Variants in INTU observed in about 807,000 individuals in gnomAD.
INTU encodes the protein protein inturned.
Under a neutral mutation model 100.5 loss-of-function variants are expected in INTU, and 68 were observed. That is an observed-to-expected ratio of 0.68 (90% confidence interval 0.56 to 0.83). The LOEUF (loss-of-function observed/expected upper bound fraction) is 0.83. Ranked by LOEUF, INTU falls within the 40% of genes least tolerant of loss-of-function variation. The pLI, the probability that INTU is intolerant of heterozygous loss-of-function variation, is 0.00. For missense variants in INTU, 1,071 were observed against 1,114.7 expected (o/e 0.96, Z 0.56); for synonymous variants, 357 against 395.7 (o/e 0.90, Z 1.16).
At chr4:127,681,793 A>G (rs1729568433) in intron 6 of INTU, among the ~76,000 whole-genome samples, 1 of 152,204 alleles carries the variant, frequency 6.6e-6, no homozygotes. Flanking sequence ...CAGCAAAAGA[A>G]ACTACCATCA....
intron 2 of INTU, among the ~76,000 whole-genome samples, chr4:127,652,202 A>G (rs1306153093): frequency 1.8e-4 from 22 of 125,330 alleles, no homozygotes; most frequent in Non-Finnish European, 3.4e-4. Context: ...CTAATTGAAT[A>G]CCCTTTATTT....
At chr4:127,714,163 A>G in intron 15 of INTU, 70 bp downstream of exon 15, 6 of 1,283,688 alleles carry the variant, frequency 4.7e-6, no homozygotes, top group Non-Finnish European at 6.5e-6. Context: ...AAAGGAGATT[A>G]ACATTTTAAA....
At chr4:127,694,204 C>A (rs533232739) in intron 8 of INTU, among the ~76,000 whole-genome samples, 1 of 151,580 alleles carries the variant, frequency 6.6e-6, no homozygotes, top group African/African-American at 2.4e-5. Flanking sequence ...TGGTCCTGGA[C>A]TTTTTTTGTT....
At chr4:127,716,094 GATAAA>G (rs1413853372) in intron 15 of INTU, among the ~76,000 whole-genome samples, 1 of 152,014 alleles carries the variant, frequency 6.6e-6, no homozygotes, top group East Asian at 1.9e-4. Flanking sequence ...AATACATATT[GATAAA>G]ATAGGATTAT....
chr4:127,678,419 A>G (rs187222372), intron 6 of INTU, among the ~76,000 whole-genome samples: 3 of 152,228 alleles, frequency 2.0e-5, no homozygotes, highest in African/African-American at 4.8e-5. Context: ...GAAACCCTAC[A>G]AGCCAGAAGA....
rs1731280306 is a variant in INTU at position 127,717,134 on chromosome 4, A to G, written c.*698A>G. The G allele has an allele frequency of 6.6e-6, 1 of 151,858 alleles. No individual in the cohort carries two copies. The highest frequency in any genetic ancestry group is 6.6e-5 in the Admixed American group (1 of 15,206). 9.4% of individuals were successfully genotyped at this position (151,858 alleles called of 1,614,324 possible). On this transcript the variant is annotated 3_prime_UTR_variant, in exon 16 of 16. Coordinates refer to ENST00000335251, the MANE Select transcript of INTU (RefSeq NM_015693.4). ...CTAGCATGCATTAGCTATTTTTCCT[A>G]ATACTCTCCCTACCCCCACAACAGG... is the stretch of plus-strand genomic sequence containing the variant.
rs1578645288 is a variant in INTU at position 127,717,491 on chromosome 4, T to G, written c.*1055T>G. 1 of 152,350 alleles carries G rather than the reference T, an allele frequency of 6.6e-6. No individual in the cohort carries two copies. The highest frequency in any genetic ancestry group is 2.1e-4 in the South Asian group (1 of 4,824). 9.4% of individuals were successfully genotyped at this position (152,350 alleles called of 1,614,324 possible). On this transcript the variant is annotated 3_prime_UTR_variant, in exon 16 of 16. Coordinates refer to ENST00000335251, the MANE Select transcript of INTU (RefSeq NM_015693.4). ...TGTAATTGAATGATTTATATTACTT[T>G]GAGTATAAACCCAGTAATGGGATTG...
chr4:127,687,938 T>C (rs1302230353), intron 8 of INTU, 71 bp downstream of exon 8: 13 of 1,063,780 alleles, frequency 1.2e-5, no homozygotes, highest in East Asian at 2.8e-5. Flanking sequence ...TCTCTTTTTT[T>C]CGTAGACTTT....
At chr4:127,676,479 G>A (rs1729188893) in intron 6 of INTU, among the ~76,000 whole-genome samples, 1 of 151,984 alleles carries the variant, frequency 6.6e-6, no homozygotes, top group South Asian at 2.1e-4. Context: ...CCAGCTACTT[G>A]GGAGGCTGAG....
At chr4:127,655,551 G>C (rs1401456786) in intron 2 of INTU, among the ~76,000 whole-genome samples, 24 of 151,482 alleles carry the variant, frequency 1.6e-4, no homozygotes, top group Non-Finnish European at 3.4e-4. Flanking sequence ...CAGGGGTCAG[G>C]GACCCACTTG....
At chr4:127,687,017 G>T (rs1729857824) in intron 7 of INTU, 1 of 152,114 alleles carries the variant, frequency 6.6e-6, no homozygotes, top group South Asian at 2.1e-4. Context: ...CTGTCATTTT[G>T]TTTTTTGAGT....
chr4:127,665,943 T>C (rs1728677825), intron 4 of INTU, among the ~76,000 whole-genome samples: 2 of 152,138 alleles, frequency 1.3e-5, no homozygotes, highest in Non-Finnish European at 2.9e-5. Flanking sequence ...CCTAAGTAGA[T>C]AGTTATTTTC....
Position 127,684,425 on chromosome 4 carries a change from C to A in INTU, c.1198C>A (p.Leu400Ile). 6.2e-7 allele frequency: 1 copy of A among 1,600,002 alleles called. No homozygotes were observed. The highest frequency in any genetic ancestry group is 8.5e-7 in the Non-Finnish European group (1 of 1,172,134). The change falls in exon 7 of 16, where the codon CTA becomes ATA. Residue 400 changes from leucine to isoleucine, a missense_variant. By Grantham distance (5) the Leu-to-Ile change is conservative. Transcript: ENST00000335251. ...LPAEEVPLPR[L>I]RNMIENVIQT... ...CTTTTTTAGAGTTCCTCTTCCTCGT[C>A]TAAGGAACATGATAGAAAATGTCAT...
Position 127,687,831 on chromosome 4 carries a change from T to A in INTU, c.1413T>A (p.Pro471=). The change falls in exon 8 of 16, where the codon CCT becomes CCA. Residue 471 remains proline (P), a synonymous_variant. Coordinates refer to ENST00000335251, the MANE Select transcript of INTU (RefSeq NM_015693.4). ...ASSAVLLDNL[P]GVRWLTLPLE... ...GTGCAGTACTTTTAGACAACCTCCC[T>A]GGAGTCCGGTGGCTCACACTTCCAC... 1 of 1,596,036 alleles carries A rather than the reference T, an allele frequency of 6.3e-7. No homozygotes were observed. Among genetic ancestry groups the A allele is most frequent in the Non-Finnish European group, 8.6e-7 (1 of 1,168,588 alleles).
rs1329604722 is a variant in INTU at position 127,706,809 on chromosome 4, C to T, written c.2111C>T (p.Thr704Ile). Residue 704 changes from threonine to isoleucine, a missense_variant, in exon 12 of 16, where the codon ACA (threonine) becomes ATA (isoleucine). Coordinates refer to ENST00000335251, the MANE Select transcript of INTU (RefSeq NM_015693.4). ...CTTTTTGGTGACTATTCCTTAAAGACACGCAAGCCTAGTCCTTCCTGTAGT... is the reference window on the plus strand; with the variant it reads ...CTTTTTGGTGACTATTCCTTAAAGATACGCAAGCCTAGTCCTTCCTGTAGT... ...RTLFGDYSLK[T>I]RKPSPSCSSG... is the part of the protein sequence containing the mutation. 3 of 1,613,966 alleles carry T rather than the reference C, an allele frequency of 1.9e-6. No individual in the cohort carries two copies. Among genetic ancestry groups the T allele is most frequent in the African/African-American group, 1.3e-5 (1 of 74,904 alleles).
chr4:127,642,034 A>C (rs1277308762), intron 1 of INTU, among the ~76,000 whole-genome samples: 1 of 151,622 alleles, frequency 6.6e-6, no homozygotes, highest in African/African-American at 2.4e-5. Flanking sequence ...ATATTTTTTA[A>C]ATTGATACAT....
In INTU at chr4:127,723,070, G is replaced by C. The variant is rs1163929877; in HGVS notation, c.*6634G>C. ...CCAAAGCTCTGGTAGCATTGGCTCAGGAGGGAACCTCCTGATCTACAAGTT... is the reference window on the plus strand; with the variant it reads ...CCAAAGCTCTGGTAGCATTGGCTCACGAGGGAACCTCCTGATCTACAAGTT... On this transcript the variant is annotated 3_prime_UTR_variant, in exon 16 of 16. Coordinates refer to ENST00000335251, the MANE Select transcript of INTU (RefSeq NM_015693.4). The C allele has an allele frequency of 2.0e-5, 3 of 152,144 alleles. No homozygotes were observed. The highest frequency in any genetic ancestry group is 7.2e-5 in the African/African-American group (3 of 41,422). The allele number at this position is 152,144 out of a possible 1,614,324, so 9.4% of individuals were successfully genotyped here.
chr4:127,699,043 A>G (rs1055337366), intron 8 of INTU, among the ~76,000 whole-genome samples: 1 of 152,174 alleles, frequency 6.6e-6, no homozygotes, highest in Non-Finnish European at 1.5e-5. Context: ...TTAGTGTGTG[A>G]AACAGTCCTG....
intron 2 of INTU, among the ~76,000 whole-genome samples, chr4:127,645,394 C>G (rs1018158279): frequency 6.6e-5 from 10 of 152,074 alleles, no homozygotes; most frequent in Admixed American, 4.6e-4. Context: ...CCCTCGCCAC[C>G]AGATGTGAGT....
Sources: allele counts gnomAD v4.1 joint callset (sites outside exome capture counted in the v4.1 genomes callset), GRCh38; gene constraint gnomAD v4.1.1; transcripts MANE v1.5; gene names NCBI Gene and HGNC (gene_info 2026-07-23, HGNC 2026-07-21).